The following TACR3 variants were observed in gnomAD, a reference collection of about 807,000 sequenced individuals.
TACR3 encodes neuromedin-K receptor.
A neutral mutation model predicts 35.0 loss-of-function variants in TACR3; 34 were observed. That is an observed-to-expected ratio of 0.97 (90% CI 0.74 to 1.30). The LOEUF is 1.30. Among genes scored for constraint, TACR3 ranks in the 50% most tolerant of loss-of-function variants. The pLI, the probability that TACR3 is intolerant of heterozygous loss-of-function variation, is 0.00. For missense variants in TACR3, 558 were observed against 591.7 expected (o/e 0.94, Z 0.59); for synonymous variants, 233 against 221.1 (o/e 1.05, Z -0.48).
At chr4:103,606,155 G>T (rs1380040335) in intron 3 of TACR3, among the ~76,000 whole-genome samples, 11 of 151,700 alleles carry the variant, frequency 7.3e-5, no homozygotes, top group Admixed American at 3.9e-4. Flanking sequence ...CATTATTTCT[G>T]AGGGCTCTGT....
chr4:103,621,042 G>A (rs1724765447), intron 3 of TACR3, among the ~76,000 whole-genome samples: 2 of 152,188 alleles, frequency 1.3e-5, no homozygotes, highest in African/African-American at 4.8e-5. Flanking sequence ...TCTTGGAACA[G>A]ATAGCTAAAC....
intron 1 of TACR3, among the ~76,000 whole-genome samples, chr4:103,686,033 G>C (rs1722225705): frequency 6.6e-6 from 1 of 152,172 alleles, no homozygotes; most frequent in Non-Finnish European, 1.5e-5. Flanking sequence ...AAAACAATCA[G>C]TGGTTAAAAC....
At chr4:103,626,489 G>A (rs80213607) in intron 3 of TACR3, among the ~76,000 whole-genome samples, 2,824 of 152,166 alleles carry the variant, frequency 0.019, 88 homozygotes, top group African/African-American at 0.064. Context: ...AAGGGCCTGG[G>A]GCAGAATGGG....
At chr4:103,620,510 A>ATGAT (rs1208243954) in intron 3 of TACR3, among the ~76,000 whole-genome samples, 4 of 152,248 alleles carry the variant, frequency 2.6e-5, no homozygotes, top group African/African-American at 4.8e-5. Flanking sequence ...GTACCCATTA[A>ATGAT]TGATAGAGTA....
chr4:103,589,908 C>A lies in TACR3; in HGVS notation c.1172G>T (p.Arg391Met), dbSNP rs772686551. ...ACTGCTTTGCCGGTTTGGATGAAACCTGGTGGTCTTGAGCTCTAGCTCATC... is the reference window on the plus strand; with the variant it reads ...ACTGCTTTGCCGGTTTGGATGAAACATGGTGGTCTTGAGCTCTAGCTCATC... The part of the protein sequence containing the change: ...SYDELELKTT[R>M]FHPNRQSSMY... Residue 391 changes from arginine (R) to methionine (M), a missense_variant, in exon 5 of 5, where the codon AGG becomes ATG. Physicochemically the swap from Arg to Met is moderately conservative, Grantham distance 91. Coordinates refer to ENST00000304883, the MANE Select transcript of TACR3 (RefSeq NM_001059.3). 8 of 1,614,002 alleles carry A rather than the reference C, an allele frequency of 5.0e-6. No homozygotes were observed. Among genetic ancestry groups the A allele is most frequent in the Non-Finnish European group, 6.8e-6 (8 of 1,179,902 alleles).
At position 103,680,512 on chromosome 4, in the gene TACR3, C is replaced by CACAT. The variant is rs774197182; in HGVS notation, c.549-22110_549-22109insATGT. Among the ~76,000 whole-genome samples the CACAT allele has an allele frequency of 2.9e-3, 418 of 146,036 alleles. 1 individual carries two copies. The highest frequency in any genetic ancestry group is 1.0e-2 in the African/African-American group (391 of 39,242). ...ACATACATACACACACACACACACA[C>CACAT]ATATATATATACACATATATATACA... On this transcript the variant is annotated intron_variant, in intron 1 of 4. Coordinates refer to ENST00000304883, the MANE Select transcript of TACR3 (RefSeq NM_001059.3).
chr4:103,615,376 CGTGTGT>C (rs3974469), intron 3 of TACR3, among the ~76,000 whole-genome samples: 80 of 143,946 alleles, frequency 5.6e-4, no homozygotes, highest in African/African-American at 2.0e-3. Flanking sequence ...TTCCTGCTAT[CGTGTGT>C]GTGTGTGTGT....
At chr4:103,680,798 A>T (rs1230224474) in intron 1 of TACR3, among the ~76,000 whole-genome samples, 1 of 151,664 alleles carries the variant, frequency 6.6e-6, no homozygotes, top group Non-Finnish European at 1.5e-5. Flanking sequence ...CTCTATAATA[A>T]GCCATTTCAT....
intron 3 of TACR3, among the ~76,000 whole-genome samples, chr4:103,592,541 G>A (rs1008187887): frequency 3.3e-5 from 5 of 152,104 alleles, no homozygotes; most frequent in Admixed American, 3.3e-4. Flanking sequence ...TATATAGCTG[G>A]AGATAAATAT....
intron 1 of TACR3, among the ~76,000 whole-genome samples, chr4:103,670,108 T>G (rs952261927): frequency 1.3e-5 from 2 of 152,072 alleles, no homozygotes; most frequent in African/African-American, 4.8e-5. Context: ...CCAATGTATG[T>G]TCCTGGCACC....
intron 1 of TACR3, among the ~76,000 whole-genome samples, chr4:103,695,711 C>CTCTGTGTG (rs142176586): frequency 6.6e-4 from 96 of 146,194 alleles, no homozygotes; most frequent in African/African-American, 2.1e-3. Flanking sequence ...GTCTCTCTCT[C>CTCTGTGTG]TGTGTGTGTG....
chr4:103,708,439 G>T (rs1450845619), intron 1 of TACR3, among the ~76,000 whole-genome samples: 2 of 152,230 alleles, frequency 1.3e-5, no homozygotes, highest in Non-Finnish European at 2.9e-5. Context: ...ACCTGCAGCT[G>T]AGGGTCCTGA....
chr4:103,662,284 G>A (rs1360286040), intron 1 of TACR3, among the ~76,000 whole-genome samples: 1 of 147,760 alleles, frequency 6.8e-6, no homozygotes, highest in Admixed American at 6.8e-5. Context: ...GCAGTGGCAC[G>A]ATCTTGGCTC....
intron 3 of TACR3, among the ~76,000 whole-genome samples, chr4:103,641,904 A>ATATG (rs1725364066): frequency 6.6e-6 from 1 of 151,910 alleles, no homozygotes; most frequent in Non-Finnish European, 1.5e-5. Flanking sequence ...AATCTCACTT[A>ATATG]CATGCATAAT....
intron 1 of TACR3, among the ~76,000 whole-genome samples, chr4:103,688,196 T>G (rs542635594): frequency 1.4e-4 from 22 of 152,190 alleles, no homozygotes; most frequent in Non-Finnish European, 7.3e-5. Context: ...GCTAGCCATA[T>G]GTAGAAAGCT....
chr4:103,602,923 G>A (rs1222873733), intron 3 of TACR3, among the ~76,000 whole-genome samples: 4 of 152,240 alleles, frequency 2.6e-5, no homozygotes, highest in Non-Finnish European at 2.9e-5. Context: ...AGCTGTCAGA[G>A]AGGGACATTT....
chr4:103,681,549 G>T (rs1431801213), intron 1 of TACR3, among the ~76,000 whole-genome samples: 1 of 151,978 alleles, frequency 6.6e-6, no homozygotes. Context: ...ATGCTTAAAG[G>T]ATCAATTTAC....
At chr4:103,716,956 A>C (rs1723105318) in intron 1 of TACR3, among the ~76,000 whole-genome samples, 1 of 152,174 alleles carries the variant, frequency 6.6e-6, no homozygotes, top group Admixed American at 6.5e-5. Flanking sequence ...TCAACCTCAG[A>C]AAGGTTTTCT....
intron 3 of TACR3, among the ~76,000 whole-genome samples, chr4:103,644,520 C>A (rs1578240639): frequency 6.6e-6 from 1 of 151,646 alleles, no homozygotes; most frequent in South Asian, 2.1e-4. Flanking sequence ...ATTCATCGGT[C>A]AAAATAAAAA....
Sources: allele counts gnomAD v4.1 joint callset (sites outside exome capture counted in the v4.1 genomes callset), GRCh38; gene constraint gnomAD v4.1.1; transcripts MANE v1.5; gene names NCBI Gene and HGNC (gene_info 2026-07-23, HGNC 2026-07-21).